The following CCPG1 variants were observed in gnomAD, a reference collection of about 807,000 sequenced individuals.
CCPG1 encodes cell cycle progression protein 1.
Under a neutral mutation model 81.3 loss-of-function variants are expected in CCPG1, and 46 were observed. That is an observed-to-expected ratio of 0.57 (90% CI 0.45 to 0.72). The LOEUF is 0.72. CCPG1 is among the 30% of genes least tolerant of loss of function. CCPG1 has a pLI of 0.00. For synonymous variants in CCPG1, 330 were observed against 305.2 expected (o/e 1.08, Z -0.85); for missense variants, 902 against 937.6 (o/e 0.96, Z 0.50).
chr15:55,372,939 G>A (rs751633004), intron 5 of CCPG1: 1 of 534,644 alleles, frequency 1.9e-6, no homozygotes, highest in African/African-American at 1.9e-5. Flanking sequence ...CCAGAAGTCA[G>A]ATGAGCCCTT....
chr15:55,385,441 A>G (rs2056779907), intron 3 of CCPG1, among the ~76,000 whole-genome samples, 159 bp downstream of exon 3: 1 of 152,170 alleles, frequency 6.6e-6, no homozygotes, highest in South Asian at 2.1e-4. Flanking sequence ...TGCTGGGATT[A>G]CAGGTGTGAG....
Position 55,376,452 on chromosome 15 carries a change from T to C in CCPG1, c.454+497A>G, listed in dbSNP as rs536463210. The stretch of plus-strand genomic sequence containing the variant: ...ACAAAAGATCTGAAGGTCACGAGCT[T>C]TGGAAGACTAGCTGTATTGATAGCA... On this transcript the variant is annotated intron_variant, in intron 5 of 8. Coordinates refer to ENST00000442196, the MANE Select transcript of CCPG1 (RefSeq NM_001204450.2). Among the ~76,000 whole-genome samples, 16 of 152,340 alleles carry C rather than the reference T, an allele frequency of 1.1e-4. No individual in the cohort carries two copies. In the East Asian group the frequency reaches 2.1e-3, roughly 20 times the overall value.
chr15:55,376,344 T>C (rs1200360801), intron 5 of CCPG1, among the ~76,000 whole-genome samples: 1 of 152,214 alleles, frequency 6.6e-6, no homozygotes, highest in Non-Finnish European at 1.5e-5. Flanking sequence ...CTTTAATCTC[T>C]GAATGAGTCT....
Position 55,360,785 on chromosome 15 carries a change from T to G in CCPG1, c.988A>C (p.Lys330Gln). The G allele has an allele frequency of 6.2e-7, 1 of 1,612,796 alleles. No homozygotes were observed. Among genetic ancestry groups the G allele is most frequent in the Non-Finnish European group, 8.5e-7 (1 of 1,179,610 alleles). ...AATATTCTAATCTGTTCTCTTAGTT[T>G]GTTTAACTCTTCCTGTAATGAGGAT... ...ALSSLQEELN[K>Q]LREQIRILED... The change falls in exon 8 of 9, where the codon AAA (lysine) becomes CAA (glutamine). Residue 330 changes from lysine (K) to glutamine (Q), a missense_variant. Transcript: ENST00000442196.
chr15:55,396,511 C>A (rs2057019870), intron 1 of CCPG1, among the ~76,000 whole-genome samples: 1 of 152,170 alleles, frequency 6.6e-6, no homozygotes. Flanking sequence ...ATACTGAAAT[C>A]ATCTTCCTGC....
intron 5 of CCPG1, among the ~76,000 whole-genome samples, chr15:55,373,705 G>A (rs1190647890): frequency 1.3e-5 from 2 of 152,130 alleles, no homozygotes; most frequent in East Asian, 1.9e-4. Context: ...ATAATACAAA[G>A]GCATTCATGA....
At chr15:55,383,110 G>A (rs1242255280) in intron 3 of CCPG1, among the ~76,000 whole-genome samples, 1 of 152,170 alleles carries the variant, frequency 6.6e-6, no homozygotes, top group Admixed American at 6.5e-5. Flanking sequence ...CAACCTGAAA[G>A]TCAAAACTAC....
At chr15:55,385,566 T>C (rs188794905) in intron 3 of CCPG1, 34 bp downstream of exon 3, 269 of 1,175,708 alleles carry the variant, frequency 2.3e-4, no homozygotes, top group Admixed American at 3.9e-4. Flanking sequence ...ATATATCATA[T>C]TAAAAAAAAA....
chr15:55,402,054 T>C (rs954227340), intron 1 of CCPG1, among the ~76,000 whole-genome samples: 2 of 152,254 alleles, frequency 1.3e-5, no homozygotes, highest in Non-Finnish European at 2.9e-5. Flanking sequence ...TCACTGTTTC[T>C]GACATACAGA....
rs1595840680 is a variant in CCPG1, at chr15:55,376,934, T to C, written c.454+15A>G. 1.3e-5 allele frequency: 21 copies of C among 1,587,220 alleles called. No homozygotes were observed. Among genetic ancestry groups the C allele is most frequent in the Non-Finnish European group, 1.8e-5 (21 of 1,158,470 alleles). ...GTCGTACATGTCTTTAAGTCTCTTA[T>C]CAGTGTATTCTTACCAGTTTCTGGC... On this transcript the variant is annotated intron_variant, in intron 5 of 8. Transcript: ENST00000442196.
intron 8 of CCPG1, chr15:55,358,399 C>A (rs2056126152): frequency 1.0e-6 from 1 of 985,390 alleles, no homozygotes; most frequent in Non-Finnish European, 1.2e-6. Context: ...CTTATCCCAC[C>A]CGCCTTGAAA....
At chr15:55,403,794 C>T in intron 1 of CCPG1, among the ~76,000 whole-genome samples, 1 of 152,188 alleles carries the variant, frequency 6.6e-6, no homozygotes, top group South Asian at 2.1e-4. Flanking sequence ...GAAACACAAA[C>T]ATAATTCAGC....
At chr15:55,392,046 A>G (rs2056929680) in intron 1 of CCPG1, among the ~76,000 whole-genome samples, 2 of 145,890 alleles carry the variant, frequency 1.4e-5, no homozygotes, top group East Asian at 1.9e-4. Flanking sequence ...AAAAAAAAAA[A>G]TCAAAAGATC....
rs746529821 is a variant in CCPG1, at chr15:55,391,840, A to C, written c.-9-2407T>G. Among the ~76,000 whole-genome samples, 11 of 137,778 alleles carry C rather than the reference A, an allele frequency of 8.0e-5. 1 individual carries two copies. In the South Asian group the frequency reaches 2.7e-3, roughly 34 times the overall value. The allele number at this position is 137,778 out of a possible 152,430, so 90.4% of individuals were successfully genotyped here. On this transcript the variant is annotated intron_variant, in intron 1 of 8. Transcript: ENST00000442196. ...TGCCTGTGAACTGCCATTGCACTCC[A>C]GACTGGGTAATACAGTGAAACCTTG... is the stretch of plus-strand genomic sequence containing the variant.
At chr15:55,376,878 G>A in intron 5 of CCPG1, 71 bp downstream of exon 5, 2 of 1,074,600 alleles carry the variant, frequency 1.9e-6, no homozygotes, top group Non-Finnish European at 2.8e-6. Flanking sequence ...AAATTATTAG[G>A]GGTAGAAAAC....
At chr15:55,404,565 G>C (rs2057181486) in intron 1 of CCPG1, among the ~76,000 whole-genome samples, 1 of 152,146 alleles carries the variant, frequency 6.6e-6, no homozygotes, top group African/African-American at 2.4e-5. Flanking sequence ...GATTTTCCAG[G>C]CTTAAGTGAA....
At chr15:55,363,206 G>A (rs548886238) in intron 7 of CCPG1, among the ~76,000 whole-genome samples, 6 of 151,894 alleles carry the variant, frequency 4.0e-5, no homozygotes, top group Admixed American at 1.3e-4. Context: ...AAAATGAACC[G>A]GGCATGGTGG....
At chr15:55,386,754 G>A (rs1383967528) in intron 2 of CCPG1, among the ~76,000 whole-genome samples, 4 of 151,518 alleles carry the variant, frequency 2.6e-5, no homozygotes, top group African/African-American at 9.7e-5. Context: ...AAAAATAGCC[G>A]AGCGTGGTGG....
chr15:55,396,405 G>C (rs1424927035), intron 1 of CCPG1, among the ~76,000 whole-genome samples: 1 of 152,182 alleles, frequency 6.6e-6, no homozygotes, highest in African/African-American at 2.4e-5. Flanking sequence ...TTATTCCTCA[G>C]AGTAGTTTCT....
Sources: gnomAD v4.1 joint callset for allele counts (sites outside exome capture counted in the v4.1 genomes callset) on GRCh38, gnomAD v4.1.1 for gene constraint, MANE v1.5 for transcripts, NCBI Gene and HGNC (gene_info 2026-07-23, HGNC 2026-07-21) for gene names.